The following PRIM2 variants were observed in gnomAD, a reference collection of about 807,000 sequenced individuals.
PRIM2 encodes the protein DNA primase subunit 2, also known as DNA primase large subunit.
Under a neutral mutation model 67.3 loss-of-function variants are expected in PRIM2, and 39 were observed. The ratio of observed to expected loss-of-function variants is 0.58; its 90% confidence interval spans 0.45 to 0.76. The LOEUF (loss-of-function observed/expected upper bound fraction) is 0.76, where lower values mean the gene tolerates loss of function less well. PRIM2 is among the 30% of genes least tolerant of loss of function. PRIM2 has a pLI of 0.00. For synonymous variants in PRIM2, 143 were observed against 198.7 expected (o/e 0.72, Z 2.36); for missense variants, 398 against 598.7 (o/e 0.66, Z 3.50).
intron 8 of PRIM2, among the ~76,000 whole-genome samples, chr6:57,513,704 T>C (rs1249123530): frequency 6.6e-6 from 1 of 152,062 alleles, no homozygotes; most frequent in Non-Finnish European, 1.5e-5. Flanking sequence ...GACCAGCCTG[T>C]CTCTACTAAA....
intron 5 of PRIM2, among the ~76,000 whole-genome samples, chr6:57,329,460 G>A (rs1290818098): frequency 6.6e-6 from 1 of 152,086 alleles, no homozygotes; most frequent in Admixed American, 6.5e-5. Flanking sequence ...GATATGGTTT[G>A]ATTGTGTCCC....
chr6:57,493,844 C>T (rs1450322526), intron 7 of PRIM2: 1 of 152,102 alleles, frequency 6.6e-6, no homozygotes. Flanking sequence ...TTCCTTTTCC[C>T]TTTTCCTAGG....
intron 7 of PRIM2, among the ~76,000 whole-genome samples, chr6:57,399,122 T>C (rs1284610634): frequency 6.6e-6 from 1 of 152,166 alleles, no homozygotes; most frequent in Non-Finnish European, 1.5e-5. Context: ...ACATGTGTCA[T>C]GTTGGTGTGC....
rs904486236 is a variant in PRIM2 at position 57,459,925 on chromosome 6, C to A, written c.694-47462C>A. 9.9e-5 allele frequency among the ~76,000 whole-genome samples: 15 copies of A among 152,228 alleles called. No individual in the cohort carries two copies. The Middle Eastern group carries it at 0.014, about 138-fold the overall frequency. ...CAAGCTGACACATAAAAATTAAGCA[C>A]CCCTAGGTGAAAAGGTACTGCCTGC... On this transcript the variant is annotated intron_variant, in intron 7 of 13. Coordinates refer to ENST00000615550, the MANE Select transcript of PRIM2 (RefSeq NM_000947.5).
At chr6:57,581,348 A>G (rs1372866486) in intron 10 of PRIM2, among the ~76,000 whole-genome samples, 1 of 152,190 alleles carries the variant, frequency 6.6e-6, no homozygotes, top group Non-Finnish European at 1.5e-5. Context: ...CCACCTTTTA[A>G]GGATTACTAA....
the PRIM2 span, among the ~76,000 whole-genome samples, chr6:57,285,478 C>T: frequency 3.9e-5 from 6 of 152,202 alleles, no homozygotes; most frequent in Admixed American, 2.0e-4. Context: ...ATATGCAAAT[C>T]AATAAACGTA....
At chr6:57,379,463 G>A (rs1193563183) in intron 5 of PRIM2, among the ~76,000 whole-genome samples, 1 of 151,944 alleles carries the variant, frequency 6.6e-6, no homozygotes, top group Non-Finnish European at 1.5e-5. Flanking sequence ...AGTGTTTTAA[G>A]TTTGGAATTG....
In PRIM2 at chr6:57,339,632, C is replaced by G. The variant is rs540920780; in HGVS notation, c.459+13587C>G. ...AGGATTCCCTATTTAATAAATGGTG[C>G]TGGGAAAACTGGCTAGCCATATGCA... On this transcript the variant is annotated intron_variant, in intron 5 of 13. Transcript: ENST00000615550. Among the ~76,000 whole-genome samples the G allele has an allele frequency of 1.2e-4, 19 of 152,186 alleles. No homozygotes were observed. The East Asian group carries it at 2.7e-3, about 22-fold the overall frequency.
intron 8 of PRIM2, among the ~76,000 whole-genome samples, chr6:57,521,181 A>G (rs1774611593): frequency 6.6e-6 from 1 of 152,116 alleles, no homozygotes; most frequent in Non-Finnish European, 1.5e-5. Context: ...TAGCTGGAGA[A>G]AAAAACCCAA....
chr6:57,467,485 A>G (rs1773232737), intron 7 of PRIM2, among the ~76,000 whole-genome samples: 1 of 152,122 alleles, frequency 6.6e-6, no homozygotes, highest in East Asian at 1.9e-4. Context: ...ATTGATCTAT[A>G]TATCTCTTTT....
chr6:57,224,409 G>C, the PRIM2 span, among the ~76,000 whole-genome samples: 2 of 152,304 alleles, frequency 1.3e-5, no homozygotes, highest in South Asian at 2.1e-4. Context: ...AGACAGTTGG[G>C]GGGTGGGAAG....
rs1481097179 is a variant in PRIM2 at position 57,454,594 on chromosome 6, G to C, written c.694-52793G>C. Among the ~76,000 whole-genome samples the C allele has an allele frequency of 5.3e-5, 8 of 152,266 alleles. No individual in the cohort carries two copies. The East Asian group carries it at 1.5e-3, about 29-fold the overall frequency. ...AGTAGAGGTGATTATAGTATTCTCT[G>C]ATGGTAGTTTGTATTTCTGTGGGAT... On this transcript the variant is annotated intron_variant, in intron 7 of 13. Transcript: ENST00000615550.
upstream of PRIM2, among the ~76,000 whole-genome samples, chr6:57,317,039 C>T (rs1767502671): frequency 6.6e-6 from 1 of 152,190 alleles, no homozygotes; most frequent in African/African-American, 2.4e-5. Context: ...CCGCCCAATA[C>T]GAAATTCAAA....
chr6:57,414,639 T>G (rs1771199785), intron 7 of PRIM2, among the ~76,000 whole-genome samples: 1 of 152,150 alleles, frequency 6.6e-6, no homozygotes, highest in South Asian at 2.1e-4. Context: ...TTTGAATAGC[T>G]AGATGGTAGT....
intron 10 of PRIM2, among the ~76,000 whole-genome samples, chr6:57,549,113 C>G (rs1419554542): frequency 3.3e-5 from 5 of 152,170 alleles, no homozygotes; most frequent in Admixed American, 2.6e-4. Context: ...TTGTAACTGG[C>G]TAAGCCAGCA....
chr6:57,376,742 G>A (rs1453451702), intron 5 of PRIM2, among the ~76,000 whole-genome samples: 1 of 152,024 alleles, frequency 6.6e-6, no homozygotes, highest in Admixed American at 6.5e-5. Context: ...TTATATTTTT[G>A]TTGGTGAAGG....
intron 7 of PRIM2, among the ~76,000 whole-genome samples, chr6:57,479,893 A>G (rs1253514640): frequency 2.0e-5 from 3 of 152,374 alleles, no homozygotes; most frequent in African/African-American, 4.8e-5. Context: ...GCAACTAACT[A>G]TGGTATCAGG....
At chr6:57,592,371 C>T (rs1776295572) in intron 10 of PRIM2, among the ~76,000 whole-genome samples, 1 of 152,182 alleles carries the variant, frequency 6.6e-6, no homozygotes, top group Non-Finnish European at 1.5e-5. Context: ...ATACATGGCT[C>T]TTTTGCCTCA....
intron 5 of PRIM2, among the ~76,000 whole-genome samples, chr6:57,348,160 T>A (rs1297769378): frequency 2.0e-5 from 3 of 152,046 alleles, no homozygotes; most frequent in Non-Finnish European, 2.9e-5. Flanking sequence ...TCCAACTTAG[T>A]CGTTGAGGGG....
Sources: allele counts gnomAD v4.1 joint callset (sites outside exome capture counted in the v4.1 genomes callset), GRCh38; gene constraint gnomAD v4.1.1; transcripts MANE v1.5; gene names NCBI Gene and HGNC (gene_info 2026-07-23, HGNC 2026-07-21).